The following PLCZ1 variants were observed in gnomAD, a reference collection of about 807,000 sequenced individuals.
PLCZ1 encodes the protein phospholipase C zeta 1.
Under a neutral mutation model 76.8 loss-of-function variants are expected in PLCZ1, and 64 were observed. That is an observed-to-expected ratio of 0.83 (90% CI 0.68 to 1.03). PLCZ1 has a LOEUF of 1.03. PLCZ1 is among the 50% of genes least tolerant of loss of function. PLCZ1 has a pLI of 0.00. For synonymous variants in PLCZ1, 248 were observed against 230.8 expected (o/e 1.07, Z -0.68); for missense variants, 751 against 713.7 (o/e 1.05, Z -0.60).
intron 11 of PLCZ1, among the ~76,000 whole-genome samples, chr12:18,695,469 G>A (rs1272159436): frequency 6.6e-6 from 1 of 152,120 alleles, no homozygotes; most frequent in Non-Finnish European, 1.5e-5. Flanking sequence ...ATGAGATGCT[G>A]TTGTCACTTG....
intron 12 of PLCZ1, chr12:18,693,027 C>G: frequency 1.4e-6 from 2 of 1,436,836 alleles, no homozygotes. Context: ...AAATCAGGAA[C>G]AAATGAAACC....
the PLCZ1 span, among the ~76,000 whole-genome samples, chr12:18,650,321 C>CTATA: frequency 1.9e-3 from 167 of 87,660 alleles, 1 homozygote; most frequent in Non-Finnish European, 2.2e-3. Flanking sequence ...CTCTCTCTCT[C>CTATA]TCTCTCTCTC....
chr12:18,675,738 T>A, the PLCZ1 span, among the ~76,000 whole-genome samples: 1 of 152,106 alleles, frequency 6.6e-6, no homozygotes, highest in Non-Finnish European at 1.5e-5. Flanking sequence ...TGGATGGAGC[T>A]GGAGTCCATT....
chr12:18,726,287 T>C (rs1487355635), intron 3 of PLCZ1, among the ~76,000 whole-genome samples: 1 of 152,174 alleles, frequency 6.6e-6, no homozygotes, highest in African/African-American at 2.4e-5. Context: ...TCATTAAACA[T>C]ACAACATAAA....
At chr12:18,705,386 G>T in intron 6 of PLCZ1, 71 bp from the exon 7 acceptor site, 1 of 1,538,000 alleles carries the variant, frequency 6.5e-7, no homozygotes, top group Non-Finnish European at 9.0e-7. Context: ...TAATATAAGT[G>T]CTTAATGTAT....
intron 3 of PLCZ1, among the ~76,000 whole-genome samples, chr12:18,726,689 T>C (rs1958770291): frequency 6.6e-6 from 1 of 152,206 alleles, no homozygotes; most frequent in South Asian, 2.1e-4. Context: ...TATGAAATGT[T>C]ATTTAAAATA....
chr12:18,649,656 T>C, the PLCZ1 span, among the ~76,000 whole-genome samples: 1 of 152,114 alleles, frequency 6.6e-6, no homozygotes, highest in Non-Finnish European at 1.5e-5. Context: ...AGGTATTTGC[T>C]CCCACCATTT....
rs548692647 is a variant in PLCZ1, at chr12:18,690,790, C to T, written c.1462-2572G>A. Among the ~76,000 whole-genome samples, 6 of 152,122 alleles carry T rather than the reference C, an allele frequency of 3.9e-5. No homozygotes were observed. In the East Asian group the frequency reaches 5.8e-4, roughly 15 times the overall value. ...ATGCTCTAGTCACAGGAAGAGCCTA[C>T]GCAATTCGTGGAGGTGAGTCATGGT... is the stretch of plus-strand genomic sequence containing the variant. On this transcript the variant is annotated intron_variant, in intron 12 of 14. Coordinates refer to ENST00000266505, the MANE Select transcript of PLCZ1 (RefSeq NM_033123.4).
At chr12:18,669,995 T>C in the PLCZ1 span, among the ~76,000 whole-genome samples, 2 of 152,002 alleles carry the variant, frequency 1.3e-5, no homozygotes, top group Admixed American at 1.3e-4. Context: ...AGGGCATTAA[T>C]CCTATCATAG....
the PLCZ1 span, among the ~76,000 whole-genome samples, chr12:18,662,267 C>A: frequency 6.6e-6 from 1 of 151,638 alleles, no homozygotes; most frequent in African/African-American, 2.4e-5. Flanking sequence ...CTGCAACATG[C>A]AACTTACCTA....
chr12:18,658,783 G>A, the PLCZ1 span, among the ~76,000 whole-genome samples: 4 of 152,056 alleles, frequency 2.6e-5, no homozygotes, highest in African/African-American at 9.7e-5. Context: ...GGGAGAGAAT[G>A]CTATACTTTA....
chr12:18,713,926 T>A (rs540673292), intron 5 of PLCZ1: 2 of 152,336 alleles, frequency 1.3e-5, no homozygotes, highest in African/African-American at 2.4e-5. Flanking sequence ...TCAGTGTTCA[T>A]ACTACAAGAG....
At chr12:18,726,661 T>A (rs1184832598) in intron 3 of PLCZ1, among the ~76,000 whole-genome samples, 1 of 152,172 alleles carries the variant, frequency 6.6e-6, no homozygotes, top group African/African-American at 2.4e-5. Context: ...TTTCCAATGC[T>A]CAGTTTGCTA....
chr12:18,697,737 G>A (rs58782254), intron 10 of PLCZ1, among the ~76,000 whole-genome samples: 24,870 of 151,724 alleles, frequency 0.16, 2,197 homozygotes, highest in Middle Eastern at 0.24. Context: ...TTCACAAACC[G>A]TTATCTTTAT....
intron 3 of PLCZ1, among the ~76,000 whole-genome samples, chr12:18,727,593 A>G (rs1409691180): frequency 6.6e-6 from 1 of 152,152 alleles, no homozygotes; most frequent in Non-Finnish European, 1.5e-5. Flanking sequence ...GTAATTAGAG[A>G]GAATGTTAGT....
rs138759053 is a variant in PLCZ1 at position 18,707,696 on chromosome 12, CTA to C, written c.715-2383_715-2382del. On this transcript the variant is annotated intron_variant, in intron 6 of 14. Transcript: ENST00000266505. ...TGACTTCCCTAGTCATAATTATTGT[CTA>C]TGTAATTTCATGTCCTCTTTTTCCA... 7.2e-3 allele frequency among the ~76,000 whole-genome samples: 1,103 copies of C among 152,204 alleles called. 11 individuals are homozygous for C. The highest frequency in any genetic ancestry group is 0.025 in the African/African-American group (1,053 of 41,530).
Position 18,736,235 on chromosome 12 carries a change from T to C in PLCZ1, c.121A>G (p.Lys41Glu), listed in dbSNP as rs1176604403. Residue 41 changes from lysine (K) to glutamate (E), a missense_variant, in exon 3 of 15, where the codon AAA becomes GAA. By Grantham distance (56) the Lys-to-Glu change is moderately conservative. Coordinates refer to ENST00000266505, the MANE Select transcript of PLCZ1 (RefSeq NM_033123.4). ...LDIRCSYIHV[K>E]QIFKDNDRLK... ...TGTCATCTTACCTTAAAAATCTGTT[T>C]CACATGAATATAACTGCACCGAATA... 1 of 1,612,740 alleles carries C rather than the reference T, an allele frequency of 6.2e-7. No individual in the cohort carries two copies. The highest frequency in any genetic ancestry group is 1.7e-4 in the Middle Eastern group (1 of 6,042).
chr12:18,691,556 A>G (rs528119219), intron 12 of PLCZ1, among the ~76,000 whole-genome samples: 1 of 152,262 alleles, frequency 6.6e-6, no homozygotes, highest in Admixed American at 6.5e-5. Flanking sequence ...AAAAATGACA[A>G]TCACTTGGAA....
At chr12:18,727,549 G>A (rs1958822959) in intron 3 of PLCZ1, among the ~76,000 whole-genome samples, 1 of 152,078 alleles carries the variant, frequency 6.6e-6, no homozygotes, top group Non-Finnish European at 1.5e-5. Context: ...TAAGATCAGA[G>A]CAAATGAAAG....
Sources: allele counts gnomAD v4.1 joint callset (sites outside exome capture counted in the v4.1 genomes callset), GRCh38; gene constraint gnomAD v4.1.1; transcripts MANE v1.5; gene names NCBI Gene and HGNC (gene_info 2026-07-23, HGNC 2026-07-21).